The following GPR158 variants were observed in gnomAD, a reference collection of about 807,000 sequenced individuals.
The protein encoded by GPR158 is G protein-coupled receptor 158.
GPR158 carries 30 observed loss-of-function variants against 78.2 expected under a neutral mutation model. That is an observed-to-expected ratio of 0.38 (90% CI 0.29 to 0.52). The LOEUF (loss-of-function observed/expected upper bound fraction) is 0.52. GPR158 is among the 20% of genes least tolerant of loss of function. The pLI is 0.83. For synonymous variants in GPR158, 581 were observed against 591.1 expected (o/e 0.98, Z 0.25); for missense variants, 1,463 against 1,523.5 (o/e 0.96, Z 0.66).
intron 5 of GPR158, among the ~76,000 whole-genome samples, chr10:25,539,804 A>G (rs41370844): frequency 0.03 from 4,599 of 152,290 alleles, 241 homozygotes; most frequent in African/African-American, 0.1. Context: ...GTAAAGCTGC[A>G]TTAGGTACTT....
At chr10:25,188,694 A>G (rs1852725163) in intron 1 of GPR158, among the ~76,000 whole-genome samples, 1 of 152,226 alleles carries the variant, frequency 6.6e-6, no homozygotes, top group African/African-American at 2.4e-5. Context: ...AAGAAAACCT[A>G]GGCAATACCA....
At position 25,284,541 on chromosome 10, in the gene GPR158, A is replaced by G. The variant is rs553484953; in HGVS notation, c.1008+63384A>G. On this transcript the variant is annotated intron_variant, in intron 2 of 10. Transcript: ENST00000376351. ...GTTTAGGATAAATTTTCTTTTATAT[A>G]GCATATATTTAGATTTAGAGTTTTA... Among the ~76,000 whole-genome samples, 39 of 148,354 alleles carry G rather than the reference A, an allele frequency of 2.6e-4. 1 individual carries two copies. The highest frequency in any genetic ancestry group is 1.0e-3 in the African/African-American group (39 of 39,038).
intron 2 of GPR158, among the ~76,000 whole-genome samples, chr10:25,379,659 T>TTTTTTTTC (rs1554798725): frequency 2.7e-4 from 41 of 150,236 alleles, no homozygotes; most frequent in African/African-American, 9.0e-4. Context: ...TTTTTTTTTT[T>TTTTTTTTC]TTTTTTCTGT....
intron 6 of GPR158, among the ~76,000 whole-genome samples, chr10:25,553,362 C>A (rs1354089825): frequency 6.6e-6 from 1 of 152,108 alleles, no homozygotes; most frequent in African/African-American, 2.4e-5. Context: ...GAAGTCATTG[C>A]AGTGAAGAGT....
At chr10:25,570,814 G>C (rs1258180918) in intron 6 of GPR158, among the ~76,000 whole-genome samples, 7 of 152,098 alleles carry the variant, frequency 4.6e-5, no homozygotes, top group African/African-American at 1.7e-4. Flanking sequence ...CTACTTGGGA[G>C]GCTGAGGCAG....
At chr10:25,462,552 C>T (rs1403218796) in intron 4 of GPR158, among the ~76,000 whole-genome samples, 1 of 152,084 alleles carries the variant, frequency 6.6e-6, no homozygotes, top group Non-Finnish European at 1.5e-5. Context: ...AACTGAAAAC[C>T]TCTGGAAAGG....
In GPR158 at chr10:25,290,730, A is replaced by T. The variant is rs111706791; in HGVS notation, c.1008+69573A>T. Among the ~76,000 whole-genome samples, 473 of 152,160 alleles carry T rather than the reference A, an allele frequency of 3.1e-3. 4 individuals carry two copies. The highest frequency in any genetic ancestry group is 0.011 in the African/African-American group (457 of 41,554). On this transcript the variant is annotated intron_variant, in intron 2 of 10. Coordinates refer to ENST00000376351, the MANE Select transcript of GPR158 (RefSeq NM_020752.3). ...ATGGAGTAGTTTCTTATATTTATGT[A>T]TATTACTATGTATCTTCCTTCTTTG... is the stretch of plus-strand genomic sequence containing the variant.
chr10:25,274,457 G>T (rs909253986), intron 2 of GPR158, among the ~76,000 whole-genome samples: 7 of 152,116 alleles, frequency 4.6e-5, no homozygotes, highest in Non-Finnish European at 8.8e-5. Flanking sequence ...TCCCCTATCC[G>T]TCACTTGGTA....
At chr10:25,242,661 G>A (rs1490833453) in intron 2 of GPR158, among the ~76,000 whole-genome samples, 1 of 152,056 alleles carries the variant, frequency 6.6e-6, no homozygotes, top group African/African-American at 2.4e-5. Context: ...GTTTAGACTG[G>A]ATTTTCCTTT....
At chr10:25,548,553 T>C (rs907243298) in intron 5 of GPR158, among the ~76,000 whole-genome samples, 1 of 152,198 alleles carries the variant, frequency 6.6e-6, no homozygotes, top group African/African-American at 2.4e-5. Flanking sequence ...ATTTTGTTGC[T>C]GTGCCCATTT....
intron 2 of GPR158, among the ~76,000 whole-genome samples, chr10:25,255,508 G>C (rs1255401753): frequency 2.0e-5 from 3 of 152,232 alleles, no homozygotes; most frequent in Non-Finnish European, 4.4e-5. Context: ...GGTCTTATCA[G>C]GAGCTTGGAG....
intron 7 of GPR158, among the ~76,000 whole-genome samples, chr10:25,578,512 C>A (rs946438188): frequency 6.6e-6 from 1 of 152,126 alleles, no homozygotes; most frequent in African/African-American, 2.4e-5. Flanking sequence ...GTTATAGAAA[C>A]TAATGGATAA....
chr10:25,481,599 A>G (rs1835664142), intron 5 of GPR158, among the ~76,000 whole-genome samples: 1 of 152,174 alleles, frequency 6.6e-6, no homozygotes, highest in Non-Finnish European at 1.5e-5. Context: ...GTGTACAAGT[A>G]TCTGTTTGAA....
chr10:25,460,383 G>T (rs1835342513), intron 4 of GPR158, among the ~76,000 whole-genome samples: 1 of 151,946 alleles, frequency 6.6e-6, no homozygotes, highest in Non-Finnish European at 1.5e-5. Flanking sequence ...TGTATTTTTA[G>T]TAGAGATGGG....
intron 6 of GPR158, among the ~76,000 whole-genome samples, chr10:25,557,626 T>C (rs1027897823): frequency 6.6e-6 from 1 of 152,236 alleles, no homozygotes; most frequent in African/African-American, 2.4e-5. Context: ...TGGGTTGGTA[T>C]ATACATTTAA....
intron 1 of GPR158, among the ~76,000 whole-genome samples, chr10:25,219,857 C>T (rs1449641196): frequency 6.6e-6 from 1 of 152,032 alleles, no homozygotes; most frequent in Non-Finnish European, 1.5e-5. Context: ...GTACTATATT[C>T]CTGTTTTGAG....
intron 2 of GPR158, among the ~76,000 whole-genome samples, chr10:25,241,525 A>G (rs917030222): frequency 6.6e-6 from 1 of 150,720 alleles, no homozygotes; most frequent in African/African-American, 2.5e-5. Context: ...GGTTCAAGCG[A>G]TTTTCCTGCC....
chr10:25,409,360 G>C (rs1834556832), intron 3 of GPR158, among the ~76,000 whole-genome samples: 1 of 152,062 alleles, frequency 6.6e-6, no homozygotes, highest in Admixed American at 6.6e-5. Flanking sequence ...TACTCTAACT[G>C]GATTATTTTT....
intron 1 of GPR158, among the ~76,000 whole-genome samples, chr10:25,199,125 T>TTC (rs67960487): frequency 5.0e-5 from 6 of 119,108 alleles, no homozygotes; most frequent in Non-Finnish European, 6.9e-5. Context: ...TCAAATAAAG[T>TTC]TTTTGTTTTT....
Sources: allele counts gnomAD v4.1 joint callset (sites outside exome capture counted in the v4.1 genomes callset), GRCh38; gene constraint gnomAD v4.1.1; transcripts MANE v1.5; gene names NCBI Gene and HGNC (gene_info 2026-07-23, HGNC 2026-07-21).